TPX2: variants seen among roughly 807,000 people sequenced by gnomAD.
TPX2 encodes the protein targeting protein for Xklp2.
In TPX2, 21 loss-of-function variants were observed where a neutral mutation model predicts 93.6. The ratio of observed to expected loss-of-function variants is 0.22; its 90% confidence interval spans 0.16 to 0.32. The LOEUF is 0.32. Among genes scored for constraint, TPX2 ranks in the 10% least tolerant of loss-of-function variants. The pLI is 1.00. For synonymous variants in TPX2, 281 were observed against 298.3 expected (o/e 0.94, Z 0.60); for missense variants, 776 against 871.1 (o/e 0.89, Z 1.37).
chr20:31,745,304 A>ACT (rs1024863423), intron 2 of TPX2, among the ~76,000 whole-genome samples: 7 of 147,746 alleles, frequency 4.7e-5, no homozygotes, highest in Non-Finnish European at 1.0e-4. Flanking sequence ...TTACTTCTTC[A>ACT]CTCTCACCAT....
intron 7 of TPX2, among the ~76,000 whole-genome samples, chr20:31,773,692 T>C (rs2061978429): frequency 6.6e-6 from 1 of 152,208 alleles, no homozygotes. Flanking sequence ...TTCATATAGA[T>C]GGCATGAAAT....
intron 3 of TPX2, 87 bp from the exon 4 acceptor site, chr20:31,759,970 G>A (rs924627032): frequency 6.4e-7 from 1 of 1,555,444 alleles, no homozygotes; most frequent in Non-Finnish European, 8.7e-7. Context: ...GTACTGGTAG[G>A]GAGCTTTAGT....
At chr20:31,793,765 A>T (rs1478731317) in intron 13 of TPX2, 83 bp from the exon 14 acceptor site, 2 of 1,289,370 alleles carry the variant, frequency 1.6e-6, no homozygotes, top group African/African-American at 1.5e-5. Context: ...GCCACATATT[A>T]ATATAATGTC....
chr20:31,749,536 T>C (rs2061805504), intron 2 of TPX2, among the ~76,000 whole-genome samples: 1 of 152,024 alleles, frequency 6.6e-6, no homozygotes, highest in Admixed American at 6.6e-5. Context: ...TGGCTTACGC[T>C]AGTAATCCCA....
At chr20:31,740,741 G>C (rs961367068) in intron 1 of TPX2, among the ~76,000 whole-genome samples, 1 of 152,172 alleles carries the variant, frequency 6.6e-6, no homozygotes. Flanking sequence ...ACAATTTAGA[G>C]GTGAGGGAGT....
At chr20:31,743,266 T>C (rs948505540) in intron 2 of TPX2, among the ~76,000 whole-genome samples, 5 of 152,208 alleles carry the variant, frequency 3.3e-5, no homozygotes, top group African/African-American at 1.2e-4. Flanking sequence ...GTGTAGTATT[T>C]GCATATAGCT....
chr20:31,768,931 A>G (rs1202573824), intron 5 of TPX2, among the ~76,000 whole-genome samples: 1 of 152,206 alleles, frequency 6.6e-6, no homozygotes, highest in Non-Finnish European at 1.5e-5. Context: ...AAATGAGGAG[A>G]TAACCCATCA....
At chr20:31,776,019 T>C (rs568514647) in intron 8 of TPX2, 31 bp downstream of exon 8, 3 of 1,409,188 alleles carry the variant, frequency 2.1e-6, no homozygotes, top group African/African-American at 1.4e-5. Context: ...GTCTGATTCA[T>C]GAGGGGTGGT....
At chr20:31,778,756 G>C (rs576160857) in intron 9 of TPX2, 57 bp from the exon 10 acceptor site, 1 of 1,462,296 alleles carries the variant, frequency 6.8e-7, no homozygotes, top group South Asian at 1.5e-5. Context: ...TGTGGCTTAT[G>C]GTAGATGTGA....
chr20:31,786,556 A>G (rs925354727), intron 12 of TPX2, among the ~76,000 whole-genome samples: 12 of 152,230 alleles, frequency 7.9e-5, no homozygotes, highest in African/African-American at 2.9e-4. Context: ...GGCACACACC[A>G]CCATGCCCAG....
chr20:31,769,176 G>A (rs1463335855), intron 5 of TPX2, among the ~76,000 whole-genome samples: 1 of 150,804 alleles, frequency 6.6e-6, no homozygotes. Flanking sequence ...TGCCCATTGT[G>A]CACATGTACC....
At chr20:31,742,937 G>A (rs995016509) in intron 2 of TPX2, among the ~76,000 whole-genome samples, 3 of 152,094 alleles carry the variant, frequency 2.0e-5, no homozygotes, top group African/African-American at 4.8e-5. Context: ...ATATGCGGCC[G>A]GTTACTGTGG....
chr20:31,750,039 G>C (rs1246779521), intron 2 of TPX2, among the ~76,000 whole-genome samples: 1 of 152,046 alleles, frequency 6.6e-6, no homozygotes, highest in Non-Finnish European at 1.5e-5. Context: ...CCGGGTTCAA[G>C]CTATTCTCCT....
chr20:31,743,605 G>A (rs986728755), intron 2 of TPX2, among the ~76,000 whole-genome samples: 5 of 152,118 alleles, frequency 3.3e-5, no homozygotes, highest in Non-Finnish European at 5.9e-5. Context: ...CCAAGGTGAA[G>A]GGTCACTTAA....
At chr20:31,798,273 T>G in intron 16 of TPX2, 92 bp from the exon 17 acceptor site, 1 of 1,453,850 alleles carries the variant, frequency 6.9e-7, no homozygotes, top group Non-Finnish European at 9.6e-7. Flanking sequence ...TTCCTGTTAG[T>G]GTGCATGTCT....
chr20:31,796,739 T>C (rs1179612002), intron 15 of TPX2, among the ~76,000 whole-genome samples: 2 of 152,052 alleles, frequency 1.3e-5, no homozygotes, highest in East Asian at 3.9e-4. Context: ...AAGAATACTT[T>C]ATAGGTGATA....
chr20:31,775,828 C>T, intron 7 of TPX2, 39 bp from the exon 8 acceptor site: 1 of 1,447,666 alleles, frequency 6.9e-7, no homozygotes, highest in Non-Finnish European at 9.1e-7. Flanking sequence ...GGGTGCCTTT[C>T]TCCTCTCCTC....
At chr20:31,760,773 C>G (rs2061884858) in intron 4 of TPX2, among the ~76,000 whole-genome samples, 1 of 152,164 alleles carries the variant, frequency 6.6e-6, no homozygotes, top group Admixed American at 6.6e-5. Flanking sequence ...GAAGACTGTA[C>G]TGCTTGCCAT....
At chr20:31,793,782 C>T in intron 13 of TPX2, 66 bp from the exon 14 acceptor site, 1 of 1,425,154 alleles carries the variant, frequency 7.0e-7, no homozygotes, top group East Asian at 2.3e-5. Flanking sequence ...TGTCTTCTGA[C>T]TCCACATTCT....
Sources: allele counts gnomAD v4.1 joint callset (sites outside exome capture counted in the v4.1 genomes callset), GRCh38; gene constraint gnomAD v4.1.1; transcripts MANE v1.5; gene names NCBI Gene and HGNC (gene_info 2026-07-23, HGNC 2026-07-21).